The following TEP1 variants were observed in gnomAD, a reference collection of about 807,000 sequenced individuals.
The protein encoded by TEP1 is telomerase protein component 1.
A neutral mutation model predicts 306.3 loss-of-function variants in TEP1; 241 were observed. That is an observed-to-expected ratio of 0.79 (90% CI 0.71 to 0.88). TEP1 has a LOEUF of 0.88. TEP1 is among the 40% of genes least tolerant of loss of function. The pLI, the probability that TEP1 is intolerant of heterozygous loss-of-function variation, is 0.00. For missense variants in TEP1, 3,051 were observed against 3,276.1 expected (o/e 0.93, Z 1.68); for synonymous variants, 1,289 against 1,305.5 (o/e 0.99, Z 0.27).
chr14:20,369,699 C>A lies in TEP1; in HGVS notation c.7398G>T (p.Ser2466=). Residue 2466 remains serine, a synonymous_variant, in exon 52 of 55, where the codon TCG becomes TCT. Coordinates refer to ENST00000262715, the MANE Select transcript of TEP1 (RefSeq NM_007110.5). ...CAGATTCAGGTTTGGCTTGAGTTAT[C>A]GATATTAGGGTCCTACTAGGATTCT... ...NLENPSRTLI[S]ITQAKPESES... is the part of the protein sequence containing the mutation. 1 of 1,614,020 alleles carries A rather than the reference C, an allele frequency of 6.2e-7. No homozygotes were observed. Among genetic ancestry groups the A allele is most frequent in the East Asian group, 2.2e-5 (1 of 44,878 alleles).
At position 20,384,115 on chromosome 14, in the gene TEP1, CTG is replaced by C; in HGVS notation, c.3455_3456del (p.Thr1152SerfsTer37). 1 of 1,614,124 alleles carries C rather than the reference CTG, an allele frequency of 6.2e-7. No individual in the cohort carries two copies. Among genetic ancestry groups the C allele is most frequent in the Non-Finnish European group, 8.5e-7 (1 of 1,180,032 alleles). On this transcript the variant is annotated frameshift_variant, in exon 24 of 55. Coordinates refer to ENST00000262715, the MANE Select transcript of TEP1 (RefSeq NM_007110.5). LOFTEE classifies it high-confidence loss of function. ...SPARPRLLQD[T>X]VQRLMLPHGR... Reference sequence around the variant, plus strand: ...CCGTGGGGCAGCATCAGCCGTTGCACTGTGTCCTGAAGAAGGCGTGGCCGGGC... The same window carrying C: ...CCGTGGGGCAGCATCAGCCGTTGCACTGTCCTGAAGAAGGCGTGGCCGGGC...
chr14:20,403,291 T>G, intron 7 of TEP1, 86 bp downstream of exon 7: 1 of 1,527,948 alleles, frequency 6.5e-7, no homozygotes, highest in Non-Finnish European at 8.9e-7. Context: ...AGAAAGTATT[T>G]TCAACCCTAA....
chr14:20,383,503 T>G lies in TEP1; in HGVS notation c.3852A>C (p.Pro1284=). The change falls in exon 26 of 55, where the codon CCA becomes CCC. Residue 1284 remains proline, a synonymous_variant. Transcript: ENST00000262715. ...TCACACTCACCCGGGGAAGCTTCTT[T>G]GGGATCCAGTCTGAAATCAGCTGCC... ...QNGQLISDWI[P]KKLPRCVHLV... is the part of the protein sequence containing the mutation. 1 of 1,614,158 alleles carries G rather than the reference T, an allele frequency of 6.2e-7. No homozygotes were observed. The highest frequency in any genetic ancestry group is 2.2e-5 in the East Asian group (1 of 44,874).
chr14:20,389,126 C>T (rs1165214978), intron 17 of TEP1, 112 bp downstream of exon 17: 22 of 982,378 alleles, frequency 2.2e-5, no homozygotes, highest in Admixed American at 1.7e-4. Flanking sequence ...CCAGCCTGAG[C>T]GACAGAGTGA....
chr14:20,388,880 T>C (rs1034789342), intron 17 of TEP1, among the ~76,000 whole-genome samples: 3 of 152,166 alleles, frequency 2.0e-5, no homozygotes, highest in African/African-American at 7.2e-5. Context: ...CCGGGTGCGG[T>C]GGCTCACGCC....
Position 20,372,868 on chromosome 14 carries a change from C to T in TEP1, c.6952-11G>A. ...AATGTGGCCTGGAGCCTGGTGTACA[C>T]AACAAGTTCAATTCAGTGCTTCTGA... is the stretch of plus-strand genomic sequence containing the variant. On this transcript the variant is annotated splice_polypyrimidine_tract_variant and intron_variant, in intron 48 of 54. Coordinates refer to ENST00000262715, the MANE Select transcript of TEP1 (RefSeq NM_007110.5). The T allele has an allele frequency of 6.2e-7, 1 of 1,614,164 alleles. No individual in the cohort carries two copies. The highest frequency in any genetic ancestry group is 8.5e-7 in the Non-Finnish European group (1 of 1,180,040).
rs777974255 is a variant in TEP1, at chr14:20,373,715, G to C, written c.6567C>G (p.Pro2189=). 6.2e-7 allele frequency: 1 copy of C among 1,614,210 alleles called. No homozygotes were observed. Among genetic ancestry groups the C allele is most frequent in the South Asian group, 1.1e-5 (1 of 91,084 alleles). ...ELTSIPAHSG[P]ISHCAAAMEP... ...CCATGGCAGCTGCACAGTGGCTAAT[G>C]GGTCCTGAGTGAGCAGGGATGCTGG... The change falls in exon 45 of 55, where the codon CCC becomes CCG. Residue 2189 remains proline, a synonymous_variant. Transcript: ENST00000262715.
At chr14:20,391,120 A>G (rs1877682430) in intron 13 of TEP1, 24 bp from the exon 14 acceptor site, 1 of 1,610,894 alleles carries the variant, frequency 6.2e-7, no homozygotes, top group East Asian at 2.2e-5. Context: ...TGTCAGGGGA[A>G]ATAAAGCTCC....
At chr14:20,399,281 A>T (rs1878466532) in intron 9 of TEP1, among the ~76,000 whole-genome samples, 1 of 152,166 alleles carries the variant, frequency 6.6e-6, no homozygotes, top group African/African-American at 2.4e-5. Flanking sequence ...TGTCGACTCA[A>T]GTTTTTTCCA....
At chr14:20,377,994 C>T in intron 39 of TEP1, 30 bp downstream of exon 39, 1 of 1,609,918 alleles carries the variant, frequency 6.2e-7, no homozygotes, top group Non-Finnish European at 8.5e-7. Flanking sequence ...CTCCTCCTCA[C>T]AACCCACCAC....
Position 20,403,785 on chromosome 14 carries a change from C to G in TEP1, c.1132G>C (p.Ala378Pro), listed in dbSNP as rs767625489. The change falls in exon 6 of 55, where the codon GCT becomes CCT. Residue 378 changes from alanine (A) to proline (P), a missense_variant. Coordinates refer to ENST00000262715, the MANE Select transcript of TEP1 (RefSeq NM_007110.5). ...CGGTGCTTCCGAGGGTTGTACTTAGCCAGCTGGTACTCGTCAAACTGGGCA... is the reference window on the plus strand; with the variant it reads ...CGGTGCTTCCGAGGGTTGTACTTAGGCAGCTGGTACTCGTCAAACTGGGCA... Reference protein sequence around the residue: ...KFAQFDEYQLAKYNPRKHRAK... With the variant: ...KFAQFDEYQLPKYNPRKHRAK... The G allele has an allele frequency of 5.0e-6, 8 of 1,614,102 alleles. No individual in the cohort carries two copies. The highest frequency in any genetic ancestry group is 4.4e-5 in the South Asian group (4 of 91,074).
At chr14:20,396,156 A>G (rs1878189876) in intron 10 of TEP1, among the ~76,000 whole-genome samples, 2 of 152,214 alleles carry the variant, frequency 1.3e-5, no homozygotes, top group African/African-American at 4.8e-5. Context: ...AAGTAACAGA[A>G]GGAGCCCCGT....
Position 20,378,060 on chromosome 14 carries a change from C to G in TEP1, c.5685G>C (p.Ala1895=), listed in dbSNP as rs780384587. The change falls in exon 39 of 55, where the codon GCG becomes GCC. Residue 1895 remains alanine, a synonymous_variant. Coordinates refer to ENST00000262715, the MANE Select transcript of TEP1 (RefSeq NM_007110.5). ...CTCCAGCCGTCAGTAACTGGCAACC[C>G]GCATGCAGGAAAAGCGCAGCAGCAA... ...GFVAAALFLH[A]GCQLLTAGED... The G allele has an allele frequency of 6.2e-7, 1 of 1,613,740 alleles. No homozygotes were observed. Among genetic ancestry groups the G allele is most frequent in the South Asian group, 1.1e-5 (1 of 91,080 alleles).
intron 2 of TEP1, among the ~76,000 whole-genome samples, chr14:20,406,660 G>A (rs932782362): frequency 2.6e-5 from 4 of 152,152 alleles, no homozygotes; most frequent in Non-Finnish European, 2.9e-5. Context: ...CTTCATTGGC[G>A]TCACAACCTG....
chr14:20,393,309 T>C (rs1438344168), intron 12 of TEP1, among the ~76,000 whole-genome samples: 1 of 152,220 alleles, frequency 6.6e-6, no homozygotes, highest in Non-Finnish European at 1.5e-5. Context: ...AATATTTTTA[T>C]TACTTGTGTG....
chr14:20,413,276 G>C (rs1441973711), intron 1 of TEP1, 129 bp downstream of exon 1: 1 of 152,418 alleles, frequency 6.6e-6, no homozygotes, highest in African/African-American at 2.4e-5. Context: ...GTTCCTAACC[G>C]GCCCCGCCAG....
chr14:20,403,989 C>A, intron 5 of TEP1, 105 bp from the exon 6 acceptor site: 2 of 1,464,826 alleles, frequency 1.4e-6, no homozygotes, highest in Non-Finnish European at 1.9e-6. Context: ...GAGTAGCGAG[C>A]AAGTTCCCAG....
intron 48 of TEP1, 70 bp downstream of exon 48, chr14:20,372,941 C>T: frequency 6.2e-7 from 1 of 1,613,660 alleles, no homozygotes; most frequent in Non-Finnish European, 8.5e-7. Context: ...TATGCAACCT[C>T]TAACGCCCAG....
At position 20,384,141 on chromosome 14, in the gene TEP1, G is replaced by C; in HGVS notation, c.3431C>G (p.Ala1144Gly). 1 of 1,614,178 alleles carries C rather than the reference G, an allele frequency of 6.2e-7. No homozygotes were observed. The highest frequency in any genetic ancestry group is 1.6e-4 in the Middle Eastern group (1 of 6,062). Reference sequence around the variant, plus strand: ...TGTGTCCTGAAGAAGGCGTGGCCGGGCAGGACTCGGTGGCTTCTGCAGCTG... The same window carrying C: ...TGTGTCCTGAAGAAGGCGTGGCCGGCCAGGACTCGGTGGCTTCTGCAGCTG... The part of the protein sequence containing the change: ...FQQLQKPPSP[A>G]RPRLLQDTVQ... Residue 1144 changes from alanine (A) to glycine (G), a missense_variant, in exon 24 of 55, where the codon GCC (alanine) becomes GGC (glycine). Ala to Gly is a moderately conservative substitution (Grantham distance 60). Coordinates refer to ENST00000262715, the MANE Select transcript of TEP1 (RefSeq NM_007110.5).
Sources: gnomAD v4.1 joint callset for allele counts (sites outside exome capture counted in the v4.1 genomes callset) on GRCh38, gnomAD v4.1.1 for gene constraint, MANE v1.5 for transcripts, NCBI Gene and HGNC (gene_info 2026-07-23, HGNC 2026-07-21) for gene names.